EPC1: variants seen among roughly 807,000 people sequenced by gnomAD.
The protein encoded by EPC1 is enhancer of polycomb homolog 1.
A neutral mutation model predicts 98.4 loss-of-function variants in EPC1; 12 were observed. The observed-to-expected ratio is 0.12, with a 90% CI of 0.08 to 0.20. EPC1 has a LOEUF of 0.20. Ranked by LOEUF, EPC1 falls within the 10% of genes least tolerant of loss-of-function variation. The pLI, the probability that EPC1 is intolerant of heterozygous loss-of-function variation, is 1.00. For synonymous variants in EPC1, 357 were observed against 363.9 expected (o/e 0.98, Z 0.21); for missense variants, 729 against 990.5 (o/e 0.74, Z 3.54).
chr10:32,335,582 G>A (rs1038491703), intron 1 of EPC1, among the ~76,000 whole-genome samples: 2 of 151,710 alleles, frequency 1.3e-5, no homozygotes, highest in Admixed American at 6.6e-5. Flanking sequence ...TTTCTTCTTT[G>A]TTGTCCCTTC....
In EPC1 at chr10:32,269,094, G is replaced by T; in HGVS notation, c.2411C>A (p.Ala804Glu). ...CACCTCCATCGCTACTGTGTTGTCT[G>T]CTATGTTGTTCAGTGCTGGCTTTTC... ...ESEKPALNNI[A>E]DNTVAMEVT Residue 804 changes from alanine to glutamate, a missense_variant, in exon 14 of 14, where the codon GCA becomes GAA. Coordinates refer to ENST00000319778, the MANE Select transcript of EPC1 (RefSeq NM_001272004.3). The T allele has an allele frequency of 3.1e-6, 5 of 1,613,928 alleles. No homozygotes were observed. Among genetic ancestry groups the T allele is most frequent in the Non-Finnish European group, 4.2e-6 (5 of 1,179,912 alleles).
chr10:32,338,576 C>A (rs1403338634), intron 1 of EPC1, among the ~76,000 whole-genome samples: 2 of 152,144 alleles, frequency 1.3e-5, no homozygotes, highest in African/African-American at 2.4e-5. Flanking sequence ...TAATCTACAA[C>A]CCCCTGCTCA....
In EPC1 at chr10:32,345,920, T is replaced by G. The variant is rs144369417; in HGVS notation, c.153+843A>C. 4.0e-3 allele frequency among the ~76,000 whole-genome samples: 614 copies of G among 152,300 alleles called. 7 individuals are homozygous for G. The highest frequency in any genetic ancestry group is 0.014 in the African/African-American group (583 of 41,562). On this transcript the variant is annotated intron_variant, in intron 1 of 13. Transcript: ENST00000319778. ...AGAGCAGGAGAACTTAAATTTATTT[T>G]ACAAATAGGTAAGGTTACAGGCTTC... is the stretch of plus-strand genomic sequence containing the variant.
chr10:32,281,224 G>A (rs1836395622), intron 10 of EPC1, among the ~76,000 whole-genome samples: 3 of 152,080 alleles, frequency 2.0e-5, no homozygotes, highest in African/African-American at 7.2e-5. Context: ...TAATAGAAAC[G>A]TGTTTTGCCA....
In EPC1 at chr10:32,293,631, C is replaced by T. The variant is rs1429498655; in HGVS notation, c.420G>A (p.Glu140=). ...KKMDICPLQF[E]EMIDRLEKGS... ...CTTTTTCTAGGCGGTCAATCATCTC[C>T]TCAAATTGCAATGGGCAGATGTCCA... The change falls in exon 3 of 14, where the codon GAG becomes GAA. Residue 140 remains glutamate (E), a synonymous_variant. Transcript: ENST00000319778. 1 of 1,613,568 alleles carries T rather than the reference C, an allele frequency of 6.2e-7. No individual in the cohort carries two copies. The highest frequency in any genetic ancestry group is 1.3e-5 in the African/African-American group (1 of 74,888).
At chr10:32,376,992 C>T (rs528550010) in intron 1 of EPC1, 8 of 152,116 alleles carry the variant, frequency 5.3e-5, no homozygotes, top group South Asian at 4.1e-4. Context: ...TATGTCAGAT[C>T]GTAACACATT....
chr10:32,286,456 G>GT, intron 9 of EPC1: 1 of 500,802 alleles, frequency 2.0e-6, no homozygotes, highest in East Asian at 3.0e-5. Context: ...TTTATCTGAG[G>GT]TTTTCCACCT....
At chr10:32,332,970 T>G (rs1227320933) in intron 1 of EPC1, among the ~76,000 whole-genome samples, 1 of 152,110 alleles carries the variant, frequency 6.6e-6, no homozygotes, top group African/African-American at 2.4e-5. Context: ...TAGATGTTAT[T>G]GGAAACTAGA....
intron 1 of EPC1, among the ~76,000 whole-genome samples, chr10:32,325,258 C>T (rs1837205603): frequency 6.6e-6 from 1 of 152,160 alleles, no homozygotes; most frequent in Non-Finnish European, 1.5e-5. Flanking sequence ...GTGTGTATTA[C>T]CATCACAGGG....
At chr10:32,289,758 G>A (rs963726945) in intron 6 of EPC1, among the ~76,000 whole-genome samples, 1 of 151,536 alleles carries the variant, frequency 6.6e-6, no homozygotes, top group Admixed American at 6.6e-5. Flanking sequence ...GAAGCAGCTG[G>A]GACTACAGGC....
At chr10:32,323,425 A>G (rs1308740088) in intron 1 of EPC1, among the ~76,000 whole-genome samples, 2 of 152,232 alleles carry the variant, frequency 1.3e-5, no homozygotes, top group Admixed American at 6.5e-5. Context: ...GCAGTATTTC[A>G]TAATTTCTAA....
rs5784286 is a variant in EPC1, at chr10:32,364,907, ATT to A, written c.3+13582_3+13583del. Among the ~76,000 whole-genome samples, 1,051 of 139,844 alleles carry A rather than the reference ATT, an allele frequency of 7.5e-3. 9 individuals carry two copies. Among genetic ancestry groups the A allele is most frequent in the African/African-American group, 0.018 (659 of 37,296 alleles). 91.7% of individuals were successfully genotyped at this position (139,844 alleles called of 152,430 possible). A position where few individuals can be genotyped will look rare whatever the true frequency, so the allele number is the denominator to read the frequency against. On this transcript the variant is annotated intron_variant, in intron 1 of 13. Coordinates refer to the EPC1 transcript ENST00000375110. ...AAAATATTACGAGAATTTTTTCATG[ATT>A]TTTTTTTTTTTTTTTTTAGCTCATC...
chr10:32,352,724 C>T (rs1839150315), intron 1 of EPC1, among the ~76,000 whole-genome samples: 1 of 152,144 alleles, frequency 6.6e-6, no homozygotes, highest in Non-Finnish European at 1.5e-5. Flanking sequence ...CTAGTATGTA[C>T]TAGGTGATGC....
At chr10:32,330,878 A>G (rs1198450524) in intron 1 of EPC1, among the ~76,000 whole-genome samples, 2 of 152,230 alleles carry the variant, frequency 1.3e-5, no homozygotes, top group Non-Finnish European at 2.9e-5. Context: ...GCATCTCCAA[A>G]AAAGCGGAAC....
intron 1 of EPC1, among the ~76,000 whole-genome samples, chr10:32,365,851 A>G (rs1338161953): frequency 1.6e-5 from 2 of 122,812 alleles, no homozygotes; most frequent in East Asian, 2.4e-4. Flanking sequence ...AAAAAAAAAA[A>G]GGACAGGTGC....
Position 32,365,719 on chromosome 10 carries a change from C to T in EPC1, c.3+12772G>A, listed in dbSNP as rs535366580. 3.6e-5 allele frequency among the ~76,000 whole-genome samples: 5 copies of T among 139,096 alleles called. No homozygotes were observed. The East Asian group carries it at 1.2e-3, about 33-fold the overall frequency. 91.3% of individuals were successfully genotyped at this position (139,096 alleles called of 152,430 possible). ...CTGTAATCTCTGCTATTTGGGGGGC[C>T]GAGGCAGGAGAATCGCTTGAACCCG... On this transcript the variant is annotated intron_variant, in intron 1 of 13. Coordinates refer to the EPC1 transcript ENST00000375110.
chr10:32,285,043 G>A lies in EPC1; in HGVS notation c.1399C>T (p.Leu467=), dbSNP rs1279490318. ...TCATAGTCTGAATGAGCTCTGTCCAGTAAGACCCTATTAAAAAATCAGACA... is the reference window on the plus strand; with the variant it reads ...TCATAGTCTGAATGAGCTCTGTCCAATAAGACCCTATTAAAAAATCAGACA... ...RRVGRGGRVL[L]DRAHSDYDSV... Residue 467 remains leucine, a synonymous_variant, in exon 10 of 14, where the codon CTG becomes TTG. Coordinates refer to ENST00000319778, the MANE Select transcript of EPC1 (RefSeq NM_001272004.3). 1.9e-6 allele frequency: 3 copies of A among 1,602,318 alleles called. No homozygotes were observed. The African/African-American group carries it at 4.0e-5, about 22-fold the overall frequency.
chr10:32,319,794 A>G (rs1008765799), intron 1 of EPC1, among the ~76,000 whole-genome samples: 1 of 152,044 alleles, frequency 6.6e-6, no homozygotes, highest in African/African-American at 2.4e-5. Context: ...CTCCTGCCTC[A>G]GCTCCCGAGT....
At chr10:32,296,113 A>G (rs1345855975) in intron 2 of EPC1, among the ~76,000 whole-genome samples, 1 of 150,718 alleles carries the variant, frequency 6.6e-6, no homozygotes, top group African/African-American at 2.4e-5. Context: ...TTTTTTTTGT[A>G]GTAGAGATGG....
Sources: gnomAD v4.1 joint callset for allele counts (sites outside exome capture counted in the v4.1 genomes callset) on GRCh38, gnomAD v4.1.1 for gene constraint, MANE v1.5 for transcripts, NCBI Gene and HGNC (gene_info 2026-07-23, HGNC 2026-07-21) for gene names.